Variants in KIF16B observed in about 807,000 individuals in gnomAD.
KIF16B encodes kinesin family member 16B, also known as kinesin-like protein KIF16B.
KIF16B carries 98 observed loss-of-function variants against 156.3 expected under a neutral mutation model. The observed-to-expected ratio is 0.63, with a 90% CI of 0.53 to 0.74. The LOEUF is 0.74. Among genes scored for constraint, KIF16B ranks in the 30% least tolerant of loss-of-function variants. The pLI is 0.00. For missense variants in KIF16B, 1,421 were observed against 1,606.5 expected (o/e 0.88, Z 1.97); for synonymous variants, 564 against 583.7 (o/e 0.97, Z 0.49).
At chr20:16,349,848 C>G (rs1324088987) in intron 23 of KIF16B, among the ~76,000 whole-genome samples, 3 of 152,148 alleles carry the variant, frequency 2.0e-5, no homozygotes, top group Non-Finnish European at 4.4e-5. Flanking sequence ...GATCTCTTGG[C>G]CCTAAGTGTC....
Position 16,505,809 on chromosome 20 carries a change from GCTT to G in KIF16B, c.910_912del (p.Lys304del). ...GAATCCCTGTAAGGCACGAAAACTTGCTTCTTCTTTGCAAGAGTATTTGCAGCA... is the reference window on the plus strand; with the variant it reads ...GAATCCCTGTAAGGCACGAAAACTTGCTTCTTTGCAAGAGTATTTGCAGCA... On this transcript the variant is annotated inframe_deletion, in exon 9 of 26. Coordinates refer to ENST00000354981, the MANE Select transcript of KIF16B (RefSeq NM_024704.5). 6.2e-7 allele frequency: 1 copy of G among 1,613,868 alleles called. No homozygotes were observed. Among genetic ancestry groups the G allele is most frequent in the South Asian group, 1.1e-5 (1 of 91,076 alleles).
At chr20:16,296,404 C>T (rs2063386820) in intron 25 of KIF16B, among the ~76,000 whole-genome samples, 1 of 152,206 alleles carries the variant, frequency 6.6e-6, no homozygotes, top group South Asian at 2.1e-4. Context: ...GTTCAGGCTT[C>T]ATTTTGCTTT....
At chr20:16,374,543 AG>A (rs2064899973) in intron 19 of KIF16B, 134 bp from the exon 20 acceptor site, 3 of 796,440 alleles carry the variant, frequency 3.8e-6, no homozygotes, top group Non-Finnish European at 5.3e-6. Flanking sequence ...ACCTTCTAGT[AG>A]AAAAGGTGCC....
At chr20:16,404,755 T>C (rs2065738060) in intron 17 of KIF16B, 58 bp downstream of exon 17, 1 of 1,308,654 alleles carries the variant, frequency 7.6e-7, no homozygotes, top group Non-Finnish European at 1.1e-6. Flanking sequence ...ATAATGGAGT[T>C]GGCACAATAA....
intron 15 of KIF16B, among the ~76,000 whole-genome samples, chr20:16,413,097 G>T (rs143192022): frequency 6.6e-6 from 1 of 152,044 alleles, no homozygotes; most frequent in African/African-American, 2.4e-5. Flanking sequence ...TGAACCATTT[G>T]GTCTGAGGTC....
At chr20:16,515,099 T>C (rs545247609) in intron 4 of KIF16B, among the ~76,000 whole-genome samples, 1 of 152,126 alleles carries the variant, frequency 6.6e-6, no homozygotes, top group Non-Finnish European at 1.5e-5. Context: ...TATATAATTC[T>C]AACTTTTTAA....
chr20:16,445,140 C>A (rs996514184), intron 12 of KIF16B, among the ~76,000 whole-genome samples: 1 of 151,920 alleles, frequency 6.6e-6, no homozygotes, highest in African/African-American at 2.4e-5. Context: ...TTCCAGGCTG[C>A]AGTGAGCTAT....
chr20:16,273,494 C>T, intron 25 of KIF16B, 83 bp from the exon 26 acceptor site: 1 of 1,098,488 alleles, frequency 9.1e-7, no homozygotes, highest in Non-Finnish European at 1.4e-6. Context: ...AGTTTGAGAC[C>T]AGTCCAGGCA....
intron 1 of KIF16B, among the ~76,000 whole-genome samples, chr20:16,552,135 C>A (rs1352109188): frequency 6.6e-6 from 1 of 152,196 alleles, no homozygotes; most frequent in African/African-American, 2.4e-5. Context: ...GTCTCTCCTG[C>A]ACATGGACAC....
At chr20:16,375,225 A>G (rs1339992147) in intron 19 of KIF16B, among the ~76,000 whole-genome samples, 2 of 152,264 alleles carry the variant, frequency 1.3e-5, no homozygotes, top group African/African-American at 4.8e-5. Context: ...AGGAGACTGC[A>G]GTCCACTCAC....
chr20:16,409,629 T>C (rs1376472277), intron 15 of KIF16B, among the ~76,000 whole-genome samples: 3 of 151,562 alleles, frequency 2.0e-5, no homozygotes, highest in Non-Finnish European at 2.9e-5. Flanking sequence ...GGGGAAAGGG[T>C]TACCAAAGCA....
At chr20:16,363,425 T>C (rs1033341988) in intron 22 of KIF16B, among the ~76,000 whole-genome samples, 2 of 152,176 alleles carry the variant, frequency 1.3e-5, no homozygotes, top group Non-Finnish European at 2.9e-5. Flanking sequence ...TTTATCTGAG[T>C]CTTATCTGTA....
intron 23 of KIF16B, among the ~76,000 whole-genome samples, chr20:16,353,595 T>C (rs1410566233): frequency 6.6e-6 from 1 of 152,170 alleles, no homozygotes; most frequent in Non-Finnish European, 1.5e-5. Context: ...GGGTTTATGA[T>C]TCCCATTTGA....
chr20:16,513,616 C>T (rs1050028181), intron 4 of KIF16B, among the ~76,000 whole-genome samples: 1 of 141,726 alleles, frequency 7.1e-6, no homozygotes, highest in South Asian at 2.4e-4. Context: ...GCCAAGATTG[C>T]GCCATTGCAT....
intron 12 of KIF16B, among the ~76,000 whole-genome samples, chr20:16,483,134 T>C (rs1442285192): frequency 6.6e-6 from 1 of 152,148 alleles, no homozygotes; most frequent in Non-Finnish European, 1.5e-5. Flanking sequence ...TAGGGAGATA[T>C]GAATCTGTAA....
At chr20:16,489,980 A>G (rs2068238300) in intron 12 of KIF16B, among the ~76,000 whole-genome samples, 1 of 152,086 alleles carries the variant, frequency 6.6e-6, no homozygotes, top group Non-Finnish European at 1.5e-5. Flanking sequence ...TGAGAAAGTA[A>G]GAAGAAAAAC....
chr20:16,540,848 G>C (rs2070169257), intron 1 of KIF16B, among the ~76,000 whole-genome samples: 1 of 152,068 alleles, frequency 6.6e-6, no homozygotes, highest in Non-Finnish European at 1.5e-5. Context: ...TTATGACTGT[G>C]TCCCAAATAT....
At chr20:16,453,027 G>T (rs1483073881) in intron 12 of KIF16B, among the ~76,000 whole-genome samples, 1 of 151,636 alleles carries the variant, frequency 6.6e-6, no homozygotes, top group Non-Finnish European at 1.5e-5. Context: ...ATTTCACATG[G>T]GATTAACTCT....
chr20:16,501,576 G>A (rs750030660), intron 10 of KIF16B, among the ~76,000 whole-genome samples: 71 of 152,102 alleles, frequency 4.7e-4, no homozygotes, highest in African/African-American at 1.6e-3. Context: ...GTAACAGCCC[G>A]AAATAGGAAA....
Sources: gnomAD v4.1 joint callset for allele counts (sites outside exome capture counted in the v4.1 genomes callset) on GRCh38, gnomAD v4.1.1 for gene constraint, MANE v1.5 for transcripts, NCBI Gene and HGNC (gene_info 2026-07-23, HGNC 2026-07-21) for gene names.